Variants in ASCC2 observed in about 807,000 individuals in gnomAD.
The protein encoded by ASCC2 is ASC-1 complex subunit P100.
Under a neutral mutation model 93.5 loss-of-function variants are expected in ASCC2, and 42 were observed. The observed-to-expected ratio is 0.45, with a 90% CI of 0.35 to 0.58. The LOEUF is 0.58. Ranked by LOEUF, ASCC2 falls within the 20% of genes least tolerant of loss-of-function variation. ASCC2 has a pLI of 0.00. For synonymous variants in ASCC2, 364 were observed against 384.2 expected (o/e 0.95, Z 0.62); for missense variants, 859 against 977.6 (o/e 0.88, Z 1.62).
intron 5 of ASCC2, among the ~76,000 whole-genome samples, chr22:29,818,085 G>C (rs2061074758): frequency 6.6e-6 from 1 of 150,598 alleles, no homozygotes; most frequent in South Asian, 2.1e-4. Context: ...AGGAGGCCAA[G>C]GTGGGAGGAT....
chr22:29,809,518 G>A (rs1323011355), intron 8 of ASCC2, among the ~76,000 whole-genome samples: 2 of 152,086 alleles, frequency 1.3e-5, no homozygotes, highest in Non-Finnish European at 2.9e-5. Flanking sequence ...GGTGGCTTAT[G>A]CCTGTAATCC....
intron 5 of ASCC2, chr22:29,821,783 C>T (rs187365244): frequency 8.4e-4 from 266 of 318,366 alleles, no homozygotes; most frequent in African/African-American, 5.5e-3. Flanking sequence ...TGACTTGAGG[C>T]CAGGAGTTCA....
intron 15 of ASCC2, among the ~76,000 whole-genome samples, chr22:29,797,712 T>G (rs936705382): frequency 3.9e-5 from 6 of 152,204 alleles, no homozygotes; most frequent in African/African-American, 1.4e-4. Flanking sequence ...CTTAATGTGC[T>G]CTGCGACTCC....
At position 29,802,228 on chromosome 22, in the gene ASCC2, C is replaced by T. The variant is rs746987649; in HGVS notation, c.1354-20G>A. On this transcript the variant is annotated intron_variant, in intron 13 of 19. Coordinates refer to ENST00000307790, the MANE Select transcript of ASCC2 (RefSeq NM_032204.5). ...CATGCACTGTAGTGAGAGCCAGAGCCAAGAAGGGGAAGGCTAAGTGGGCCG... is the reference window on the plus strand; with the variant it reads ...CATGCACTGTAGTGAGAGCCAGAGCTAAGAAGGGGAAGGCTAAGTGGGCCG... The T allele has an allele frequency of 3.1e-6, 5 of 1,612,436 alleles. No individual in the cohort carries two copies. In the African/African-American group the frequency reaches 6.7e-5, roughly 22 times the overall value.
intron 9 of ASCC2, among the ~76,000 whole-genome samples, 170 bp downstream of exon 9, chr22:29,807,939 CAA>C (rs2059870144): frequency 1.3e-5 from 2 of 151,522 alleles, no homozygotes; most frequent in South Asian, 4.2e-4. Context: ...AAAAAAAAAA[CAA>C]ATGCAGAGGT....
chr22:29,819,392 C>G (rs1000125615), intron 5 of ASCC2, among the ~76,000 whole-genome samples: 1 of 152,088 alleles, frequency 6.6e-6, no homozygotes, highest in Non-Finnish European at 1.5e-5. Flanking sequence ...AAACTCCTGA[C>G]CTCAGGTGAT....
intron 19 of ASCC2, 79 bp downstream of exon 19, chr22:29,790,390 T>TG: frequency 1.4e-6 from 2 of 1,457,948 alleles, no homozygotes; most frequent in South Asian, 2.3e-5. Flanking sequence ...GGTGTACGTG[T>TG]GGGTTTCCTG....
intron 1 of ASCC2, among the ~76,000 whole-genome samples, chr22:29,832,932 GTT>G (rs1371433178): frequency 3.3e-5 from 5 of 152,032 alleles, no homozygotes; most frequent in Non-Finnish European, 7.4e-5. Context: ...GTAGAGACAG[GTT>G]TTATTTTTTG....
chr22:29,822,273 A>G, intron 5 of ASCC2, 62 bp downstream of exon 5: 1 of 1,601,964 alleles, frequency 6.2e-7, no homozygotes, highest in Non-Finnish European at 8.5e-7. Flanking sequence ...GGCCTTTGCA[A>G]CCTTTAGTTT....
Position 29,825,423 on chromosome 22 carries a change from TA to T in ASCC2, c.241-167del. ...GAGCCAAGGGCTAAACACAAGATTC[TA>T]AAATTGACACTTTGAAAGGTGTGTA... On this transcript the variant is annotated intron_variant, in intron 3 of 19. Coordinates refer to ENST00000307790, the MANE Select transcript of ASCC2 (RefSeq NM_032204.5). This position sits in a 1 kb window ranked among gnomAD's most constrained non-coding sequence, Gnocchi z 4.9. 1 of 1,152,924 alleles carries T rather than the reference TA, an allele frequency of 8.7e-7. No homozygotes were observed. The highest frequency in any genetic ancestry group is 1.2e-6 in the Non-Finnish European group (1 of 818,802). The allele number at this position is 1,152,924 out of a possible 1,614,324, so 71.4% of individuals were successfully genotyped here.
At chr22:29,836,262 A>C (rs1001685991) in intron 1 of ASCC2, among the ~76,000 whole-genome samples, 2 of 151,736 alleles carry the variant, frequency 1.3e-5, no homozygotes, top group African/African-American at 4.8e-5. Flanking sequence ...TGGATAGGGA[A>C]GACAGGACCA....
chr22:29,813,621 A>G lies in ASCC2; in HGVS notation c.721-79T>C, dbSNP rs917043154. On this transcript the variant is annotated intron_variant, in intron 7 of 19. Coordinates refer to ENST00000307790, the MANE Select transcript of ASCC2 (RefSeq NM_032204.5). ...TGCAGAGCACCTGAGACAACATTAA[A>G]ACAGTCAGGGTCCCAAACAGGCAGG... 7.3e-6 allele frequency: 7 copies of G among 964,878 alleles called. No individual in the cohort carries two copies. The African/African-American group carries it at 1.1e-4, about 16-fold the overall frequency. 59.8% of individuals were successfully genotyped at this position (964,878 alleles called of 1,614,324 possible).
chr22:29,790,255 G>A (rs757864737), intron 19 of ASCC2, among the ~76,000 whole-genome samples: 2 of 152,220 alleles, frequency 1.3e-5, no homozygotes, highest in Admixed American at 1.3e-4. Context: ...TACTAGCTGT[G>A]TGACTTCTGG....
rs765184316 is a variant in ASCC2 at position 29,822,328 on chromosome 22, T to G, written c.541+7A>C. Reference sequence around the variant, plus strand: ...GGTGCATCCTCCCAGTCCTGCATCCTACACACCTATCATCTTCTGGAGCAG... The same window carrying G: ...GGTGCATCCTCCCAGTCCTGCATCCGACACACCTATCATCTTCTGGAGCAG... On this transcript the variant is annotated splice_region_variant and intron_variant, in intron 5 of 19. Coordinates refer to ENST00000307790, the MANE Select transcript of ASCC2 (RefSeq NM_032204.5). 117 of 1,613,700 alleles carry G rather than the reference T, an allele frequency of 7.3e-5. No individual in the cohort carries two copies. The highest frequency in any genetic ancestry group is 9.6e-5 in the Non-Finnish European group (113 of 1,179,786).
At chr22:29,789,902 G>T (rs1307521215) in intron 19 of ASCC2, among the ~76,000 whole-genome samples, 3 of 152,172 alleles carry the variant, frequency 2.0e-5, no homozygotes, top group African/African-American at 7.2e-5. Flanking sequence ...CTGGGAAGAT[G>T]CGGGGCCTGG....
At chr22:29,811,608 T>C (rs938066015) in intron 8 of ASCC2, among the ~76,000 whole-genome samples, 9 of 152,320 alleles carry the variant, frequency 5.9e-5, no homozygotes, top group African/African-American at 1.9e-4. Context: ...TCCAGCACAG[T>C]TGGAGGCTGG....
chr22:29,809,328 A>G (rs1252101998), intron 8 of ASCC2, among the ~76,000 whole-genome samples: 1 of 152,092 alleles, frequency 6.6e-6, no homozygotes, highest in Non-Finnish European at 1.5e-5. Context: ...TAAGCCAGTT[A>G]GCACTGTTTC....
At chr22:29,795,925 TA>T (rs879317328) in intron 15 of ASCC2, among the ~76,000 whole-genome samples, 28 of 143,134 alleles carry the variant, frequency 2.0e-4, no homozygotes, top group Non-Finnish European at 2.1e-4. Flanking sequence ...GGTAAGATAA[TA>T]AAAAAAAAAA....
chr22:29,811,359 G>A (rs1486711949), intron 8 of ASCC2, among the ~76,000 whole-genome samples: 1 of 152,218 alleles, frequency 6.6e-6, no homozygotes, highest in Non-Finnish European at 1.5e-5. Context: ...AACTGGGAAA[G>A]TAGAAAGGGG....
Sources: allele counts gnomAD v4.1 joint callset (sites outside exome capture counted in the v4.1 genomes callset), GRCh38; gene constraint gnomAD v4.1.1; non-coding constraint Gnocchi (gnomAD v3.1); transcripts MANE v1.5; gene names NCBI Gene and HGNC (gene_info 2026-07-23, HGNC 2026-07-21).